Variants in CSMD2 observed in about 807,000 individuals in gnomAD.
The protein encoded by CSMD2 is CUB and sushi domain-containing protein 2.
CSMD2 carries 130 observed loss-of-function variants against 398.5 expected under a neutral mutation model. The observed-to-expected ratio is 0.33, with a 90% CI of 0.28 to 0.38. CSMD2 has a LOEUF of 0.38. Among genes scored for constraint, CSMD2 ranks in the 10% least tolerant of loss-of-function variants. CSMD2 has a pLI of 1.00. For missense variants in CSMD2, 3,829 were observed against 4,764.9 expected, an observed-to-expected ratio of 0.80 and a Z score of 5.78; for synonymous variants, 1,828 against 1,908.5, an observed-to-expected ratio of 0.96 and a Z score of 1.10.
At chr1:33,783,259 G>A (rs1465354325) in intron 12 of CSMD2, among the ~76,000 whole-genome samples, 1 of 152,106 alleles carries the variant, frequency 6.6e-6, no homozygotes. Flanking sequence ...GAACTTGTGT[G>A]TTCCCCCAAC....
At chr1:33,941,320 G>T (rs1169544122) in intron 3 of CSMD2, among the ~76,000 whole-genome samples, 12 of 152,280 alleles carry the variant, frequency 7.9e-5, no homozygotes, top group East Asian at 1.9e-4. Context: ...TTGAGACTTT[G>T]GTTCCCTTAT....
chr1:33,818,029 C>T (rs1174476426), intron 9 of CSMD2, among the ~76,000 whole-genome samples: 1 of 152,206 alleles, frequency 6.6e-6, no homozygotes, highest in East Asian at 1.9e-4. Flanking sequence ...CCTTCTCCAC[C>T]CTTGGCATGT....
intron 60 of CSMD2, among the ~76,000 whole-genome samples, chr1:33,538,717 A>G (rs937119091): frequency 2.0e-5 from 3 of 152,210 alleles, no homozygotes; most frequent in African/African-American, 7.2e-5. Flanking sequence ...GGCCTTTCTC[A>G]TAAGCAATGT....
At chr1:33,901,749 A>G (rs1158388819) in intron 5 of CSMD2, among the ~76,000 whole-genome samples, 1 of 152,242 alleles carries the variant, frequency 6.6e-6, no homozygotes, top group African/African-American at 2.4e-5. Context: ...AAGGAAAAAT[A>G]TTTGTGAAAT....
At chr1:33,776,437 G>A (rs1651975453) in intron 12 of CSMD2, among the ~76,000 whole-genome samples, 1 of 152,206 alleles carries the variant, frequency 6.6e-6, no homozygotes, top group Non-Finnish European at 1.5e-5. Context: ...AGTGGAGGAG[G>A]TCACAGTCTT....
rs1650606355 is a variant in CSMD2 at position 34,032,680 on chromosome 1, G to A, written c.431C>T (p.Thr144Ile). 3 of 1,597,134 alleles carry A rather than the reference G, an allele frequency of 1.9e-6. No homozygotes were observed. Among genetic ancestry groups the A allele is most frequent in the Non-Finnish European group, 1.7e-6 (2 of 1,171,700 alleles). The stretch of plus-strand genomic sequence containing the variant: ...GAGGGTGGTGGCTGCACTAACAATG[G>A]TGGCTGGCAGCTGAAAGCCTGTGAG... The part of the protein sequence containing the change: ...TRLTGFQLPA[T>I]IVSAATTLSL... The change falls in exon 3 of 71, where the codon ACC becomes ATC. Residue 144 changes from threonine (T) to isoleucine (I), a missense_variant. Thr to Ile is a moderately conservative substitution (Grantham distance 89, BLOSUM62 -1). Transcript: ENST00000373381.
intron 21 of CSMD2, among the ~76,000 whole-genome samples, chr1:33,709,781 G>A (rs1191209342): frequency 6.6e-6 from 1 of 152,068 alleles, no homozygotes; most frequent in Non-Finnish European, 1.5e-5. Context: ...GTCATTAGTC[G>A]CAACAGCCAG....
At chr1:33,645,035 A>G (rs1278302387) in intron 29 of CSMD2, among the ~76,000 whole-genome samples, 1 of 152,138 alleles carries the variant, frequency 6.6e-6, no homozygotes, top group African/African-American at 2.4e-5. Context: ...TAGAGCACTT[A>G]GGCTGGTGCT....
chr1:34,140,929 C>A lies in CSMD2; in HGVS notation c.187+23982G>T, dbSNP rs181481904. ...AACAGCCTTTCCCCTCCTCTACAAC[C>A]TGTCCCCCTCCAGCCTCACTTCCTG... On this transcript the variant is annotated intron_variant, in intron 1 of 70. Transcript: ENST00000373381. Among the ~76,000 whole-genome samples, 331 of 152,212 alleles carry A rather than the reference C, an allele frequency of 2.2e-3. 1 individual carries two copies. The highest frequency in any genetic ancestry group is 7.5e-3 in the African/African-American group (312 of 41,546).
chr1:34,097,582 C>T (rs1177738560), intron 1 of CSMD2, among the ~76,000 whole-genome samples: 2,794 of 93,398 alleles, frequency 0.03, no homozygotes, highest in African/African-American at 0.066. Context: ...AACAAACAAC[C>T]CCATCAAAAA....
intron 55 of CSMD2, among the ~76,000 whole-genome samples, chr1:33,556,720 C>G (rs1289539592): frequency 6.6e-6 from 1 of 152,144 alleles, no homozygotes; most frequent in East Asian, 1.9e-4. Flanking sequence ...GTGGGAGAGA[C>G]CCGGTGGGAG....
In CSMD2 at chr1:33,525,038, C is replaced by A. The variant is rs139653382; in HGVS notation, c.10240G>T (p.Gly3414Trp). ...AGGGAATTCTTGGCAAAAACATCCC[C>A]AGGAACTAGAGGAATTGAGAAATAG... ...EPPLTQALIP[G>W]DVFAKNSLWK... The change falls in exon 66 of 71, where the codon GGG becomes TGG. Residue 3414 changes from glycine to tryptophan, a missense_variant. This residue lies in a region of CSMD2 where 917 missense variants were observed against 1,199.5 expected (regional missense o/e 0.76). Coordinates refer to ENST00000373381, the MANE Select transcript of CSMD2 (RefSeq NM_001281956.2). 105 of 1,614,164 alleles carry A rather than the reference C, an allele frequency of 6.5e-5. No homozygotes were observed. The African/African-American group carries it at 1.3e-3, about 20-fold the overall frequency.
intron 7 of CSMD2, among the ~76,000 whole-genome samples, chr1:33,824,226 T>C (rs1658521800): frequency 6.6e-6 from 1 of 152,212 alleles, no homozygotes; most frequent in African/African-American, 2.4e-5. Flanking sequence ...CCTCAGTTCA[T>C]TGGGTCTCCT....
At chr1:33,626,261 T>C (rs1642122875) in intron 33 of CSMD2, among the ~76,000 whole-genome samples, 1 of 152,212 alleles carries the variant, frequency 6.6e-6, no homozygotes, top group Non-Finnish European at 1.5e-5. Context: ...CTTTGTCTGA[T>C]TTCCTTCCTC....
At chr1:33,977,734 G>A (rs1646021846) in intron 3 of CSMD2, among the ~76,000 whole-genome samples, 1 of 152,068 alleles carries the variant, frequency 6.6e-6, no homozygotes, top group Non-Finnish European at 1.5e-5. Flanking sequence ...TGACCCTGTG[G>A]AATAAGAGCC....
Position 33,962,821 on chromosome 1 carries a change from C to A in CSMD2, c.518-26867G>T, listed in dbSNP as rs565447307. Among the ~76,000 whole-genome samples the A allele has an allele frequency of 7.2e-5, 11 of 152,330 alleles. No individual in the cohort carries two copies. The South Asian group carries it at 2.1e-3, about 29-fold the overall frequency. ...TAAAATTGCATCCAGACCCATCTCT[C>A]CCCACCTCTATTCCCTGCTTCCTTT... On this transcript the variant is annotated intron_variant, in intron 3 of 70. Transcript: ENST00000373381.
chr1:33,631,029 A>T (rs1571010843), intron 32 of CSMD2, among the ~76,000 whole-genome samples: 1 of 152,152 alleles, frequency 6.6e-6, no homozygotes, highest in Non-Finnish European at 1.5e-5. Flanking sequence ...GAAAAATATG[A>T]GGAAGGAAAT....
intron 44 of CSMD2, among the ~76,000 whole-genome samples, chr1:33,591,110 T>A (rs970381250): frequency 7.1e-6 from 1 of 140,400 alleles, no homozygotes; most frequent in Non-Finnish European, 1.5e-5. Context: ...TGCCTCACCC[T>A]CCCGAGTAGC....
intron 19 of CSMD2, among the ~76,000 whole-genome samples, chr1:33,722,912 G>A (rs1164118149): frequency 5.3e-5 from 8 of 151,812 alleles, no homozygotes; most frequent in African/African-American, 1.2e-4. Context: ...AGGTATAGAC[G>A]GTTTTTTTTT....
Sources: gnomAD v4.1 joint callset for allele counts (sites outside exome capture counted in the v4.1 genomes callset) on GRCh38, gnomAD v4.1.1 for gene constraint, gnomAD v4.1.1 regional missense constraint, MANE v1.5 for transcripts, NCBI Gene and HGNC (gene_info 2026-07-23, HGNC 2026-07-21) for gene names.